Variants in CDH13 observed in about 807,000 individuals in gnomAD.
CDH13 encodes the protein cadherin 13.
In CDH13, 24 loss-of-function variants were observed where a neutral mutation model predicts 63.8. That is an observed-to-expected ratio of 0.38 (90% CI 0.27 to 0.53). CDH13 has a LOEUF of 0.53. Ranked by LOEUF, CDH13 falls within the 20% of genes least tolerant of loss-of-function variation. The probability of loss-of-function intolerance (pLI) is 0.85; values close to 1 mark genes in which losing one functional copy is unlikely to be tolerated. For synonymous variants in CDH13, 503 were observed against 355.3 expected (o/e 1.42, Z -4.67); for missense variants, 1,049 against 903.1 (o/e 1.16, Z -2.07).
At chr16:83,473,891 C>A (rs1215165671) in intron 6 of CDH13, among the ~76,000 whole-genome samples, 3 of 143,898 alleles carry the variant, frequency 2.1e-5, no homozygotes, top group African/African-American at 7.6e-5. Context: ...GCTAATGACA[C>A]CTGCCTCATA....
chr16:83,013,075 C>T (rs963973400), intron 2 of CDH13, among the ~76,000 whole-genome samples: 8 of 152,142 alleles, frequency 5.3e-5, no homozygotes, highest in African/African-American at 9.6e-5. Flanking sequence ...TTGCAAAATG[C>T]GAGAAAAAAT....
chr16:83,266,372 T>G (rs188441297), intron 5 of CDH13, among the ~76,000 whole-genome samples: 9 of 152,338 alleles, frequency 5.9e-5, no homozygotes, highest in Admixed American at 3.3e-4. Context: ...CCACTTTAAT[T>G]TTTATGAATT....
intron 11 of CDH13, among the ~76,000 whole-genome samples, chr16:83,753,694 A>G (rs1035888439): frequency 7.2e-5 from 11 of 152,234 alleles, no homozygotes; most frequent in Non-Finnish European, 1.3e-4. Context: ...GAACCAAAAT[A>G]AATTGATTTC....
intron 1 of CDH13, among the ~76,000 whole-genome samples, chr16:82,709,983 T>A (rs1597377344): frequency 6.6e-6 from 1 of 151,908 alleles, no homozygotes; most frequent in African/African-American, 2.4e-5. Flanking sequence ...AGTCAGACCA[T>A]CTTCTGGGCT....
At position 83,798,779 on chromosome 16, in the gene CDH13, C is replaced by A. The variant is rs1217923097; in HGVS notation, c.*3749C>A. 1 of 152,080 alleles carries A rather than the reference C, an allele frequency of 6.6e-6. No homozygotes were observed. Among genetic ancestry groups the A allele is most frequent in the East Asian group, 1.9e-4 (1 of 5,188 alleles). The allele number at this position is 152,080 out of a possible 1,614,324, so 9.4% of individuals were successfully genotyped here. On this transcript the variant is annotated 3_prime_UTR_variant, in exon 14 of 14. Transcript: ENST00000567109. ...ACAGTACCTTTTACTATGAGGTACC[C>A]TTTACTATTAAGTACCTTTTACTAA...
rs1348996072 is a variant in CDH13 at position 83,781,618 on chromosome 16, A to G, written c.1915+1417A>G. On this transcript the variant is annotated intron_variant, in intron 12 of 13. Transcript: ENST00000567109. ...TATTTTATTGCTTTTTAAATAATGA[A>G]TTCTGTTATACTGATTATTTTTAAT... Among the ~76,000 whole-genome samples the G allele has an allele frequency of 2.0e-5, 3 of 152,132 alleles. No individual in the cohort carries two copies. The East Asian group carries it at 5.8e-4, about 29-fold the overall frequency.
intron 6 of CDH13, among the ~76,000 whole-genome samples, chr16:83,484,292 GTTTTC>G (rs1383593489): frequency 6.6e-6 from 1 of 152,214 alleles, no homozygotes; most frequent in Non-Finnish European, 1.5e-5. Flanking sequence ...AGGCTTCAGT[GTTTTC>G]TTTGTATGAC....
chr16:83,558,137 G>GAC (rs1476923833), intron 7 of CDH13, among the ~76,000 whole-genome samples: 2 of 152,190 alleles, frequency 1.3e-5, no homozygotes, highest in Non-Finnish European at 2.9e-5. Flanking sequence ...CTTCTGGCTG[G>GAC]ACACAGTATG....
Position 82,814,919 on chromosome 16 carries a change from A to G in CDH13, c.46-43443A>G, listed in dbSNP as rs982076429. On this transcript the variant is annotated intron_variant, in intron 1 of 13. Coordinates refer to ENST00000567109, the MANE Select transcript of CDH13 (RefSeq NM_001257.5). ...ATCAGAGGATTACCCGCTGGTGTCC[A>G]CTGAAGAATGGCTTGATGTATTGGG... Among the ~76,000 whole-genome samples the G allele has an allele frequency of 1.1e-4, 16 of 152,284 alleles. 1 individual carries two copies. The Middle Eastern group carries it at 0.01, about 97-fold the overall frequency.
At chr16:82,863,666 C>T (rs961283) in intron 2 of CDH13, among the ~76,000 whole-genome samples, 93,864 of 151,980 alleles carry the variant, frequency 0.62, 29,078 homozygotes, top group East Asian at 0.81. Flanking sequence ...TATTATTGTC[C>T]TTATAATTTC....
intron 5 of CDH13, among the ~76,000 whole-genome samples, chr16:83,297,307 A>G (rs1303764963): frequency 6.6e-6 from 1 of 152,228 alleles, no homozygotes; most frequent in African/African-American, 2.4e-5. Flanking sequence ...ATCATTATAC[A>G]ATGTATACAT....
At chr16:83,013,848 A>T (rs1344459635) in intron 2 of CDH13, among the ~76,000 whole-genome samples, 2 of 152,204 alleles carry the variant, frequency 1.3e-5, no homozygotes, top group Non-Finnish European at 2.9e-5. Context: ...GAGACACAAC[A>T]TAGGGAGGAA....
At chr16:83,147,793 A>G (rs2036813848) in intron 4 of CDH13, among the ~76,000 whole-genome samples, 1 of 152,092 alleles carries the variant, frequency 6.6e-6, no homozygotes, top group Non-Finnish European at 1.5e-5. Flanking sequence ...CTGGGGTCAC[A>G]GGGGGCAAAG....
At chr16:83,685,237 A>C (rs765936220) in intron 10 of CDH13, among the ~76,000 whole-genome samples, 5 of 152,198 alleles carry the variant, frequency 3.3e-5, no homozygotes, top group Non-Finnish European at 5.9e-5. Context: ...AGCAATGTGC[A>C]TTGTTTTTTA....
At chr16:82,975,545 A>G (rs797001402) in intron 2 of CDH13, among the ~76,000 whole-genome samples, 32 of 152,380 alleles carry the variant, frequency 2.1e-4, no homozygotes, top group African/African-American at 6.3e-4. Flanking sequence ...TCATGCATGC[A>G]AAGCCCCTAA....
chr16:83,402,232 T>C (rs1031459605), intron 6 of CDH13, among the ~76,000 whole-genome samples: 1 of 152,172 alleles, frequency 6.6e-6, no homozygotes, highest in Non-Finnish European at 1.5e-5. Context: ...GTAGCAAAAC[T>C]GTCTGGCTCC....
chr16:83,724,021 T>G (rs1295686502), intron 10 of CDH13, among the ~76,000 whole-genome samples: 1 of 151,706 alleles, frequency 6.6e-6, no homozygotes. Context: ...AATGCATGGG[T>G]GGGTGATGAA....
intron 1 of CDH13, among the ~76,000 whole-genome samples, chr16:82,756,695 T>C (rs1227465915): frequency 1.3e-5 from 2 of 152,164 alleles, no homozygotes; most frequent in African/African-American, 4.8e-5. Context: ...TTAGTATTTT[T>C]CCTTCCCTGA....
chr16:83,704,569 C>G (rs1027875791), intron 10 of CDH13, among the ~76,000 whole-genome samples: 2 of 152,196 alleles, frequency 1.3e-5, no homozygotes, highest in Admixed American at 6.5e-5. Flanking sequence ...CCCACAGCCC[C>G]GCTGCCACAG....
Sources: gnomAD v4.1 joint callset for allele counts (sites outside exome capture counted in the v4.1 genomes callset) on GRCh38, gnomAD v4.1.1 for gene constraint, MANE v1.5 for transcripts, NCBI Gene and HGNC (gene_info 2026-07-23, HGNC 2026-07-21) for gene names.